SOX6: variants seen among roughly 807,000 people sequenced by gnomAD.
SOX6 encodes the protein transcription factor SOX-6.
SOX6 carries 11 observed loss-of-function variants against 97.8 expected under a neutral mutation model. The observed-to-expected ratio is 0.11, with a 90% confidence interval of 0.07 to 0.19. SOX6 has a LOEUF of 0.19. Ranked by LOEUF, SOX6 falls within the 10% of genes least tolerant of loss-of-function variation. The pLI is 1.00. For synonymous variants in SOX6, 360 were observed against 371.4 expected (o/e 0.97, Z 0.35); for missense variants, 810 against 1,039.5 (o/e 0.78, Z 3.04).
intron 1 of SOX6, among the ~76,000 whole-genome samples, chr11:16,343,149 T>C (rs577817304): frequency 6.6e-6 from 1 of 151,878 alleles, no homozygotes; most frequent in Non-Finnish European, 1.5e-5. Flanking sequence ...ACCGGCCCCA[T>C]AACTACTATT....
At chr11:16,120,176 C>T (rs1425551422) in intron 6 of SOX6, among the ~76,000 whole-genome samples, 1 of 139,740 alleles carries the variant, frequency 7.2e-6, no homozygotes, top group Admixed American at 7.4e-5. Flanking sequence ...CCTGCTCTCT[C>T]TCTTCTCTCT....
At chr11:16,590,765 C>T (rs1848140627) in intron 4 of SOX6, among the ~76,000 whole-genome samples, 1 of 151,728 alleles carries the variant, frequency 6.6e-6, no homozygotes, top group Non-Finnish European at 1.5e-5. Context: ...CAATTGAACT[C>T]ATGGAGACAG....
intron 4 of SOX6, among the ~76,000 whole-genome samples, chr11:16,563,388 T>A (rs1363609803): frequency 6.6e-6 from 1 of 152,192 alleles, no homozygotes; most frequent in Non-Finnish European, 1.5e-5. Context: ...TATGCTGCAG[T>A]GTGCTATGAT....
intron 4 of SOX6, among the ~76,000 whole-genome samples, chr11:16,209,333 C>G (rs2134139155): frequency 6.6e-6 from 1 of 152,236 alleles, no homozygotes; most frequent in East Asian, 1.9e-4. Flanking sequence ...GGTATGAGAA[C>G]TGCTGTGTAC....
At chr11:16,414,121 T>C (rs529066658) in intron 1 of SOX6, among the ~76,000 whole-genome samples, 2 of 152,276 alleles carry the variant, frequency 1.3e-5, no homozygotes, top group African/African-American at 2.4e-5. Context: ...CAAAGAAACA[T>C]GTCATAGTCC....
chr11:16,639,307 A>G (rs374556856), intron 3 of SOX6, among the ~76,000 whole-genome samples: 2 of 152,076 alleles, frequency 1.3e-5, no homozygotes, highest in Non-Finnish European at 1.5e-5. Flanking sequence ...ATGATGTTTT[A>G]GTTACTGTAG....
At chr11:16,246,130 G>A (rs1486484185) in intron 3 of SOX6, among the ~76,000 whole-genome samples, 5 of 151,094 alleles carry the variant, frequency 3.3e-5, no homozygotes, top group African/African-American at 1.2e-4. Context: ...ACTTACAACA[G>A]TCTACCTTCA....
At chr11:16,289,976 T>C (rs1293473497) in intron 3 of SOX6, among the ~76,000 whole-genome samples, 2 of 152,032 alleles carry the variant, frequency 1.3e-5, no homozygotes, top group Non-Finnish European at 2.9e-5. Context: ...TAACAAAAAG[T>C]CTTTTAACAA....
At chr11:16,226,137 ATC>A in intron 4 of SOX6, among the ~76,000 whole-genome samples, 1 of 152,270 alleles carries the variant, frequency 6.6e-6, no homozygotes, top group South Asian at 2.1e-4. Context: ...ATCAAAAAGT[ATC>A]TGTTTAGTCA....
rs1396910228 is a variant in SOX6 at position 16,378,862 on chromosome 11, A to G, written c.-4-37610T>C. ...AAAGGGTTACTATTTTAGCATATAAAGACCTCTTATAAATCAATAAGAATT... is the reference window on the plus strand; with the variant it reads ...AAAGGGTTACTATTTTAGCATATAAGGACCTCTTATAAATCAATAAGAATT... On this transcript the variant is annotated intron_variant, in intron 1 of 15. Transcript: ENST00000396356. Among the ~76,000 whole-genome samples, 3 of 152,240 alleles carry G rather than the reference A, an allele frequency of 2.0e-5. No homozygotes were observed. The East Asian group carries it at 5.8e-4, about 29-fold the overall frequency.
At chr11:16,232,096 AT>A (rs1416734447) in intron 4 of SOX6, among the ~76,000 whole-genome samples, 6 of 151,884 alleles carry the variant, frequency 4.0e-5, no homozygotes, top group Non-Finnish European at 8.8e-5. Context: ...GAGATATAAT[AT>A]TAAATACTGA....
intron 3 of SOX6, among the ~76,000 whole-genome samples, chr11:16,675,834 A>G (rs1011576698): frequency 2.6e-5 from 4 of 152,240 alleles, no homozygotes; most frequent in African/African-American, 9.6e-5. Flanking sequence ...TCTCTTGTAC[A>G]TAAGTCACTT....
At chr11:16,254,407 T>A (rs1348273350) in intron 3 of SOX6, among the ~76,000 whole-genome samples, 1 of 152,108 alleles carries the variant, frequency 6.6e-6, no homozygotes, top group African/African-American at 2.4e-5. Context: ...CATGTATAGT[T>A]ATACATAAGA....
At chr11:16,358,163 C>A (rs1175728219), upstream of SOX6, among the ~76,000 whole-genome samples, 1 of 152,116 alleles carries the variant, frequency 6.6e-6, no homozygotes, top group Non-Finnish European at 1.5e-5. Context: ...CCATAGTGAA[C>A]AAAAGATGAC....
rs1466892615 is a variant in SOX6 at position 16,016,390 on chromosome 11, A to G, written c.1624-1340T>C. Among the ~76,000 whole-genome samples, 9 of 152,220 alleles carry G rather than the reference A, an allele frequency of 5.9e-5. No homozygotes were observed. The East Asian group carries it at 1.6e-3, about 26-fold the overall frequency. On this transcript the variant is annotated intron_variant, in intron 12 of 15. Transcript: ENST00000683767. ...TACACCATTTCTATGAAAGATTTGC[A>G]ACAAAAATTACAATCACGAGTTTCC...
rs529819628 is a variant in SOX6, at chr11:16,306,627, CT to C, written c.445+11818del. 6.7e-3 allele frequency among the ~76,000 whole-genome samples: 708 copies of C among 106,464 alleles called. 4 individuals carry two copies. Among genetic ancestry groups the C allele is most frequent in the Middle Eastern group, 0.027 (5 of 186 alleles). The allele number at this position is 106,464 out of a possible 152,430, so 69.8% of individuals were successfully genotyped here. A position where few individuals can be genotyped will look rare whatever the true frequency, so the allele number is the denominator to read the frequency against. On this transcript the variant is annotated intron_variant, in intron 3 of 15. Transcript: ENST00000683767. Reference sequence around the variant, plus strand: ...CTCAAATTTCTTTTTTTTTTTTTTTCTTTTTTTTTTTTTCCTGAGACAGATT... The same window carrying C: ...CTCAAATTTCTTTTTTTTTTTTTTTCTTTTTTTTTTTTCCTGAGACAGATT...
chr11:16,568,553 C>T (rs1222859388), intron 4 of SOX6, among the ~76,000 whole-genome samples: 1 of 152,056 alleles, frequency 6.6e-6, no homozygotes, highest in Non-Finnish European at 1.5e-5. Context: ...ATGCCACTGA[C>T]ATGTTCATTT....
At chr11:16,669,129 T>C (rs1211005384) in intron 3 of SOX6, among the ~76,000 whole-genome samples, 1 of 152,160 alleles carries the variant, frequency 6.6e-6, no homozygotes, top group Non-Finnish European at 1.5e-5. Flanking sequence ...GGATAGACCA[T>C]ATATATGTTA....
At chr11:16,174,070 A>G (rs940777703) in intron 6 of SOX6, among the ~76,000 whole-genome samples, 5 of 150,274 alleles carry the variant, frequency 3.3e-5, no homozygotes, top group African/African-American at 9.8e-5. Flanking sequence ...TGGAGAGTCA[A>G]ATTCTCACCT....
Sources: gnomAD v4.1 joint callset for allele counts (sites outside exome capture counted in the v4.1 genomes callset) on GRCh38, gnomAD v4.1.1 for gene constraint, MANE v1.5 for transcripts, NCBI Gene and HGNC (gene_info 2026-07-23, HGNC 2026-07-21) for gene names.